Variants in UTS2R observed in about 807,000 individuals in gnomAD.
The protein encoded by UTS2R is urotensin-2 receptor.
For synonymous variants in UTS2R, 335 were observed against 280.9 expected (o/e 1.19, Z -1.93); for missense variants, 653 against 562.2 (o/e 1.16, Z -1.63).
intron 1 of UTS2R, among the ~76,000 whole-genome samples, 113 bp downstream of exon 1, chr17:82,372,160 G>A (rs1368532364): frequency 6.6e-6 from 1 of 152,170 alleles, no homozygotes; most frequent in Non-Finnish European, 1.5e-5. Flanking sequence ...CCTGGGCGAG[G>A]GGAGCGGGGT....
chr17:82,374,187 T>A, intron 2 of UTS2R, 56 bp from the exon 3 acceptor site: 1 of 692,410 alleles, frequency 1.4e-6, no homozygotes, highest in South Asian at 1.9e-5. Flanking sequence ...AACGAGGCCA[T>A]CACAGTGGCC....
Position 82,375,094 on chromosome 17 carries a change from T to C in UTS2R, c.770T>C (p.Leu257Pro), listed in dbSNP as rs771513666. 25 of 1,419,118 alleles carry C rather than the reference T, an allele frequency of 1.8e-5. No individual in the cohort carries two copies. In the South Asian group the frequency reaches 3.7e-4, roughly 21 times the overall value. 87.9% of individuals were successfully genotyped at this position (1,419,118 alleles called of 1,614,324 possible). A position where few individuals can be genotyped will look rare whatever the true frequency, so the allele number is the denominator to read the frequency against. Residue 257 changes from leucine (L) to proline (P), a missense_variant, in exon 3 of 3, where the codon CTG becomes CCG. Coordinates refer to ENST00000313135, the MANE Select transcript of UTS2R (RefSeq NM_018949.3). ...GCCCGGCGGCCGGGGGCGCGCGCGC[T>C]GCGCCTGGTGCTGGGCATCGTGCTG... ...KRARRPGARALRLVLGIVLLF... is the reference protein window; with the variant it reads ...KRARRPGARAPRLVLGIVLLF...
rs945064330 is a variant in UTS2R at position 82,374,845 on chromosome 17, GGCTGCTGGCGCT to G, written c.529_540del (p.Ala177_Leu180del). On this transcript the variant is annotated inframe_deletion, in exon 3 of 3. Transcript: ENST00000313135. ...CGCAAGCTGCTGGCGCTGGGCACCT[GGCTGCTGGCGCT>G]GCTGCTGACGCTGCCCGTGATGCTG... is the stretch of plus-strand genomic sequence containing the variant. 3 of 1,419,880 alleles carry G rather than the reference GGCTGCTGGCGCT, an allele frequency of 2.1e-6. No homozygotes were observed. Among genetic ancestry groups the G allele is most frequent in the South Asian group, 1.2e-5 (1 of 83,944 alleles). The allele number at this position is 1,419,880 out of a possible 1,614,324, so 88.0% of individuals were successfully genotyped here. A position where few individuals can be genotyped will look rare whatever the true frequency, so the allele number is the denominator to read the frequency against.
In UTS2R at chr17:82,371,810, G is replaced by T. The variant is rs1346503438; in HGVS notation, c.-506G>T. On this transcript the variant is annotated 5_prime_UTR_variant, in exon 1 of 3. Coordinates refer to ENST00000313135, the MANE Select transcript of UTS2R (RefSeq NM_018949.3). This position sits in a 1 kb window ranked among gnomAD's most constrained non-coding sequence, Gnocchi z 6.3. ...GCAGGTGGCGGCGGCGCAGAGACCC[G>T]GCGCGGGGCGGGGGGCGCGGCTTTG... Among the ~76,000 whole-genome samples the T allele has an allele frequency of 6.6e-6, 1 of 151,550 alleles. No homozygotes were observed. Among genetic ancestry groups the T allele is most frequent in the South Asian group, 2.1e-4 (1 of 4,832 alleles).
In UTS2R at chr17:82,376,720, A is replaced by G. The variant is rs540709827; in HGVS notation, c.*1226A>G. Among the ~76,000 whole-genome samples the G allele has an allele frequency of 1.3e-5, 2 of 152,386 alleles. No individual in the cohort carries two copies. The highest frequency in any genetic ancestry group is 1.3e-4 in the Admixed American group (2 of 15,312). On this transcript the variant is annotated 3_prime_UTR_variant, in exon 3 of 3. Coordinates refer to ENST00000313135, the MANE Select transcript of UTS2R (RefSeq NM_018949.3). ...ACGAGCCAGTGCCACAGAACTGTGCACCTGAATGTGTGAGTTCTGTCGTGT... is the reference window on the plus strand; with the variant it reads ...ACGAGCCAGTGCCACAGAACTGTGCGCCTGAATGTGTGAGTTCTGTCGTGT...
chr17:82,374,604 G>A lies in UTS2R; in HGVS notation c.280G>A (p.Ala94Thr). 1 of 1,609,498 alleles carries A rather than the reference G, an allele frequency of 6.2e-7. No individual in the cohort carries two copies. The change falls in exon 3 of 3, where the codon GCG becomes ACG. Residue 94 changes from alanine (A) to threonine (T), a missense_variant. Physicochemically the swap from Ala to Thr is moderately conservative, Grantham distance 58. Transcript: ENST00000313135. ...ASMYVYVVNLALADLLYLLSI... is the reference protein window; with the variant it reads ...ASMYVYVVNLTLADLLYLLSI... Reference sequence around the variant, plus strand: ...CATGTACGTCTACGTGGTCAACCTGGCGCTGGCCGACCTGCTGTACCTGCT... The same window carrying A: ...CATGTACGTCTACGTGGTCAACCTGACGCTGGCCGACCTGCTGTACCTGCT...
At position 82,375,404 on chromosome 17, in the gene UTS2R, T is replaced by G. The variant is rs749122716; in HGVS notation, c.1080T>G (p.Ser360=). The G allele has an allele frequency of 1.5e-5, 23 of 1,577,882 alleles. No homozygotes were observed. Among genetic ancestry groups the G allele is most frequent in the Non-Finnish European group, 2.0e-5 (23 of 1,170,440 alleles). ...AGCGCTGTTCGGGCCGCTCCCTGTC[T>G]TCCTGCAGCCCACAGCCCACTGACA... ...RFQRCSGRSL[S]SCSPQPTDSL... The change falls in exon 3 of 3, where the codon TCT becomes TCG. Residue 360 remains serine, a synonymous_variant. Transcript: ENST00000313135.
At position 82,375,299 on chromosome 17, in the gene UTS2R, C is replaced by A; in HGVS notation, c.975C>A (p.His325Gln). Residue 325 changes from histidine (H) to glutamine (Q), a missense_variant, in exon 3 of 3, where the codon CAC becomes CAA. Transcript: ENST00000313135. ...TGCTCACCAGGAACTACCGCGACCA[C>A]CTGCGCGGCCGCGTGCGGGGCCCGG... Reference protein sequence around the residue: ...YTLLTRNYRDHLRGRVRGPGS... With the variant: ...YTLLTRNYRDQLRGRVRGPGS... 6.4e-7 allele frequency: 1 copy of A among 1,551,004 alleles called. No individual in the cohort carries two copies.
rs1300292753 is a variant in UTS2R, at chr17:82,375,084, G to T, written c.760G>T (p.Ala254Ser). The stretch of plus-strand genomic sequence containing the variant: ...CTTCAAGCGGGCCCGGCGGCCGGGG[G>T]CGCGCGCGCTGCGCCTGGTGCTGGG... ...ASFKRARRPG[A>S]RALRLVLGIV... is the part of the protein sequence containing the mutation. Residue 254 changes from alanine (A) to serine (S), a missense_variant, in exon 3 of 3, where the codon GCG (alanine) becomes TCG (serine). Coordinates refer to ENST00000313135, the MANE Select transcript of UTS2R (RefSeq NM_018949.3). 1.1e-5 allele frequency: 16 copies of T among 1,407,254 alleles called. No homozygotes were observed. Among genetic ancestry groups the T allele is most frequent in the South Asian group, 1.6e-5 (1 of 62,840 alleles). 87.2% of individuals were successfully genotyped at this position (1,407,254 alleles called of 1,614,324 possible).
At chr17:82,374,092 G>A (rs2052468438) in intron 2 of UTS2R, 151 bp from the exon 3 acceptor site, 1 of 517,076 alleles carries the variant, frequency 1.9e-6, no homozygotes, top group Non-Finnish European at 3.4e-6. Context: ...TCGTCTGGTG[G>A]CTCTTGAGTC....
In UTS2R at chr17:82,375,193, C is replaced by A; in HGVS notation, c.869C>A (p.Pro290Gln). ...CAGTACCACCAGGCCCCGCTGGCGC[C>A]GCGGACGGCGCGCATCGTCAACTAC... Reference protein sequence around the residue: ...LAQYHQAPLAPRTARIVNYLT... With the variant: ...LAQYHQAPLAQRTARIVNYLT... The change falls in exon 3 of 3, where the codon CCG becomes CAG. Residue 290 changes from proline (P) to glutamine (Q), a missense_variant. Physicochemically the swap from Pro to Gln is moderately conservative, Grantham distance 76. Transcript: ENST00000313135. 1 of 1,561,524 alleles carries A rather than the reference C, an allele frequency of 6.4e-7. No individual in the cohort carries two copies. The highest frequency in any genetic ancestry group is 8.7e-7 in the Non-Finnish European group (1 of 1,155,132).
Position 82,374,805 on chromosome 17 carries a change from C to T in UTS2R, c.481C>T (p.Arg161Cys), listed in dbSNP as rs1420224601. The T allele has an allele frequency of 1.3e-6, 2 of 1,569,486 alleles. No individual in the cohort carries two copies. The highest frequency in any genetic ancestry group is 1.7e-6 in the Non-Finnish European group (2 of 1,156,926). Reference sequence around the variant, plus strand: ...GCTGCGGCCGCTGGACACCGTGCAGCGCCCCAAGGGCTACCGCAAGCTGCT... The same window carrying T: ...GCTGCGGCCGCTGGACACCGTGCAGTGCCCCAAGGGCTACCGCAAGCTGCT... Reference protein sequence around the residue: ...AVLRPLDTVQRPKGYRKLLAL... With the variant: ...AVLRPLDTVQCPKGYRKLLAL... Residue 161 changes from arginine (R) to cysteine (C), a missense_variant, in exon 3 of 3, where the codon CGC (arginine) becomes TGC (cysteine). By Grantham distance (180) the Arg-to-Cys change is radical. Transcript: ENST00000313135.
At chr17:82,372,396 G>A (rs1356495897) in intron 1 of UTS2R, among the ~76,000 whole-genome samples, 1 of 152,192 alleles carries the variant, frequency 6.6e-6, no homozygotes, top group Non-Finnish European at 1.5e-5. Flanking sequence ...GGGTCCCCTG[G>A]ACAGATGGAG....
At position 82,372,798 on chromosome 17, in the gene UTS2R, G is replaced by C. The variant is rs1036259317; in HGVS notation, c.-83+15G>C. 6.6e-6 allele frequency among the ~76,000 whole-genome samples: 1 copy of C among 152,214 alleles called. No individual in the cohort carries two copies. The highest frequency in any genetic ancestry group is 2.4e-5 in the African/African-American group (1 of 41,442). On this transcript the variant is annotated intron_variant, in intron 2 of 2. Transcript: ENST00000313135. ...CTTTATCTAAGGTACTAACCTGAGA[G>C]TAGAATTGCCGGGTGAGAAGGTATA...
At position 82,376,490 on chromosome 17, in the gene UTS2R, C is replaced by G. The variant is rs186074228; in HGVS notation, c.*996C>G. ...TTGGGGCTCCATCTGAACACTGGGG[C>G]AAGGGTCATGCCCGCTTGGTCCCTC... On this transcript the variant is annotated 3_prime_UTR_variant, in exon 3 of 3. Transcript: ENST00000313135. 4.0e-3 allele frequency among the ~76,000 whole-genome samples: 603 copies of G among 150,438 alleles called. 3 individuals are homozygous for G. Among genetic ancestry groups the G allele is most frequent in the African/African-American group, 0.014 (575 of 39,978 alleles).
rs1398881906 is a variant in UTS2R, at chr17:82,376,517, A to T, written c.*1023A>T. Among the ~76,000 whole-genome samples the T allele has an allele frequency of 6.6e-6, 1 of 152,028 alleles. No homozygotes were observed. Among genetic ancestry groups the T allele is most frequent in the East Asian group, 1.9e-4 (1 of 5,172 alleles). ...AGGGTCATGCCCGCTTGGTCCCTCCAGTGCCTACCCCTCAGTGGAGTGAGC... is the reference window on the plus strand; with the variant it reads ...AGGGTCATGCCCGCTTGGTCCCTCCTGTGCCTACCCCTCAGTGGAGTGAGC... On this transcript the variant is annotated 3_prime_UTR_variant, in exon 3 of 3. Transcript: ENST00000313135.
Position 82,375,305 on chromosome 17 carries a change from CGGCCGCGTGCGG to C in UTS2R, c.986_997del (p.Arg329_Gly332del). On this transcript the variant is annotated inframe_deletion, in exon 3 of 3. Transcript: ENST00000313135. ...CCAGGAACTACCGCGACCACCTGCGCGGCCGCGTGCGGGGCCCGGGCAGCGGGGGAGGCCGGG... is the reference window on the plus strand; with the variant it reads ...CCAGGAACTACCGCGACCACCTGCGCGGCCCGGGCAGCGGGGGAGGCCGGG... 1 of 1,545,998 alleles carries C rather than the reference CGGCCGCGTGCGG, an allele frequency of 6.5e-7. No individual in the cohort carries two copies. The highest frequency in any genetic ancestry group is 8.7e-7 in the Non-Finnish European group (1 of 1,146,276).
In UTS2R at chr17:82,373,374, C is replaced by G. The variant is rs572650378; in HGVS notation, c.-83+591C>G. ...ACGGGGTTTCGAGATGTTGGCCAGG[C>G]CGGTTTCGAACTCCTGACCTCAGGT... is the stretch of plus-strand genomic sequence containing the variant. On this transcript the variant is annotated intron_variant, in intron 2 of 2. Transcript: ENST00000313135. 1.5e-3 allele frequency among the ~76,000 whole-genome samples: 233 copies of G among 152,188 alleles called. 2 individuals carry two copies. The highest frequency in any genetic ancestry group is 5.4e-3 in the African/African-American group (224 of 41,512).
At chr17:82,372,993 G>GCCCTAC (rs1226314489) in intron 2 of UTS2R, among the ~76,000 whole-genome samples, 1 of 152,188 alleles carries the variant, frequency 6.6e-6, no homozygotes, top group Non-Finnish European at 1.5e-5. Context: ...GGCTCCTGTG[G>GCCCTAC]CCCTGACTGG....
Sources: allele counts gnomAD v4.1 joint callset (sites outside exome capture counted in the v4.1 genomes callset), GRCh38; gene constraint gnomAD v4.1.1; non-coding constraint Gnocchi (gnomAD v3.1); transcripts MANE v1.5; gene names NCBI Gene and HGNC (gene_info 2026-07-23, HGNC 2026-07-21).